The following SPMIP8 variants were observed in gnomAD, a reference collection of about 807,000 sequenced individuals.
SPMIP8 encodes sperm microtubule inner protein 8.
the SPMIP8 span, among the ~76,000 whole-genome samples, chr16:57,981,431 T>TATAATAATTATTATTATAATA: frequency 7.5e-6 from 1 of 133,132 alleles, no homozygotes; most frequent in African/African-American, 2.8e-5. Flanking sequence ...TTATTATTAT[T>TATAATAATTATTATTATAATA]ATAATTTGGT....
At chr16:57,982,193 C>A in the SPMIP8 span, among the ~76,000 whole-genome samples, 1 of 152,126 alleles carries the variant, frequency 6.6e-6, no homozygotes, top group African/African-American at 2.4e-5. Context: ...TGACACAATA[C>A]CATTATCACA....
At chr16:57,983,964 G>A in the SPMIP8 span, among the ~76,000 whole-genome samples, 1 of 151,358 alleles carries the variant, frequency 6.6e-6, no homozygotes, top group South Asian at 2.1e-4. Context: ...AGGTGGAAGT[G>A]CAGTGGCATG....
At chr16:57,981,853 C>T in the SPMIP8 span, among the ~76,000 whole-genome samples, 1 of 152,000 alleles carries the variant, frequency 6.6e-6, no homozygotes, top group Non-Finnish European at 1.5e-5. Flanking sequence ...TGTGTCTAAA[C>T]CGCAAAAAGG....
At chr16:57,981,392 A>AATAATAATAATTATT in the SPMIP8 span, among the ~76,000 whole-genome samples, 1 of 83,586 alleles carries the variant, frequency 1.2e-5, no homozygotes, top group Admixed American at 1.1e-4. Flanking sequence ...TAATAATAAT[A>AATAATAATAATTATT]ATTATTATTA....
At chr16:57,977,695 G>A in the SPMIP8 span, 1 of 1,097,446 alleles carries the variant, frequency 9.1e-7, no homozygotes, top group Non-Finnish European at 1.3e-6. Context: ...GCACACAGTA[G>A]GTGCTAAATA....
the SPMIP8 span, among the ~76,000 whole-genome samples, chr16:57,979,096 G>A: frequency 3.3e-5 from 5 of 152,210 alleles, no homozygotes; most frequent in Admixed American, 2.0e-4. Context: ...AGAGCCCCAC[G>A]GGCCTAGTGA....
chr16:57,981,062 G>A, the SPMIP8 span, among the ~76,000 whole-genome samples: 1 of 152,230 alleles, frequency 6.6e-6, no homozygotes, highest in East Asian at 1.9e-4. Context: ...ACCCTTGCCT[G>A]GCATGGCCTT....
At chr16:57,985,897 G>C in the SPMIP8 span, 1 of 1,611,124 alleles carries the variant, frequency 6.2e-7, no homozygotes, top group South Asian at 1.1e-5. Context: ...CACCCGCCCC[G>C]TTCTTTCCCA....
the SPMIP8 span, chr16:57,985,301 C>A: frequency 6.7e-7 from 1 of 1,493,350 alleles, no homozygotes; most frequent in Non-Finnish European, 8.9e-7. Flanking sequence ...CGTCCCTGAG[C>A]GGGGAGCGGG....
At chr16:57,980,876 T>G in the SPMIP8 span, among the ~76,000 whole-genome samples, 1 of 152,006 alleles carries the variant, frequency 6.6e-6, no homozygotes, top group African/African-American at 2.4e-5. Flanking sequence ...GTTGCTGTTG[T>G]TGTTGTTTGT....
chr16:57,979,708 T>C, the SPMIP8 span, among the ~76,000 whole-genome samples: 8 of 152,178 alleles, frequency 5.3e-5, no homozygotes, highest in Middle Eastern at 3.4e-3. Flanking sequence ...GGTTTACTAA[T>C]GGGAATATAA....
At chr16:57,982,573 C>T in the SPMIP8 span, among the ~76,000 whole-genome samples, 1 of 152,202 alleles carries the variant, frequency 6.6e-6, no homozygotes, top group African/African-American at 2.4e-5. Context: ...TGGCCAGAAT[C>T]TTTCACAGGC....
the SPMIP8 span, chr16:57,978,115 T>C: frequency 6.7e-7 from 1 of 1,491,126 alleles, no homozygotes; most frequent in Admixed American, 2.0e-5. Flanking sequence ...GATGCAAGGA[T>C]GAAAGAGGCC....
At chr16:57,985,927 CG>C in the SPMIP8 span, 1 of 1,612,586 alleles carries the variant, frequency 6.2e-7, no homozygotes, top group South Asian at 1.1e-5. Flanking sequence ...TCCGAAGCTT[CG>C]GCTCCAGCTA....
the SPMIP8 span, among the ~76,000 whole-genome samples, chr16:57,981,429 ATT>A: frequency 2.1e-5 from 3 of 140,494 alleles, no homozygotes; most frequent in East Asian, 2.1e-4. Flanking sequence ...TATTATTATT[ATT>A]ATAATTTGGT....
the SPMIP8 span, among the ~76,000 whole-genome samples, chr16:57,983,703 C>T: frequency 6.6e-6 from 1 of 152,176 alleles, no homozygotes; most frequent in Admixed American, 6.5e-5. Flanking sequence ...CCTCCACCTC[C>T]TGGATTCCAG....
At chr16:57,978,525 AGT>A in the SPMIP8 span, among the ~76,000 whole-genome samples, 1 of 151,756 alleles carries the variant, frequency 6.6e-6, no homozygotes, top group Non-Finnish European at 1.5e-5. Context: ...GGGCAACAAG[AGT>A]GAGTCTCCGT....
At chr16:57,987,581 CTCTG>C in the SPMIP8 span, 6 of 824,062 alleles carry the variant, frequency 7.3e-6, no homozygotes, top group South Asian at 1.1e-4. Context: ...ACGCAATTGT[CTCTG>C]TCTGTGTGTG....
At chr16:57,985,382 T>G in the SPMIP8 span, 14 of 1,602,604 alleles carry the variant, frequency 8.7e-6, no homozygotes, top group Non-Finnish European at 8.5e-6. Context: ...CTCCCAGTCT[T>G]CAGGACCACG....
Sources: allele counts gnomAD v4.1 joint callset (sites outside exome capture counted in the v4.1 genomes callset), GRCh38; gene constraint gnomAD v4.1.1; transcripts MANE v1.5; gene names NCBI Gene and HGNC (gene_info 2026-07-23, HGNC 2026-07-21).